GAPVD1: variants seen among roughly 807,000 people sequenced by gnomAD.
GAPVD1 encodes GTPase-activating protein and VPS9 domain-containing protein 1.
In GAPVD1, 35 loss-of-function variants were observed where a neutral mutation model predicts 155.5. That is an observed-to-expected ratio of 0.23 (90% confidence interval 0.17 to 0.30). GAPVD1 has a LOEUF of 0.30. Ranked by LOEUF, GAPVD1 falls within the 10% of genes least tolerant of loss-of-function variation. The pLI is 1.00. For synonymous variants in GAPVD1, 636 were observed against 619.7 expected, an observed-to-expected ratio of 1.03 and a Z score of -0.39; for missense variants, 1,429 against 1,775.7, an observed-to-expected ratio of 0.80 and a Z score of 3.51.
chr9:125,263,634 G>T, intron 1 of GAPVD1: 1 of 1,156,636 alleles, frequency 8.6e-7, no homozygotes, highest in Non-Finnish European at 1.3e-6. Flanking sequence ...ACTGGAATTT[G>T]GCTGCTGACC....
chr9:125,263,249 G>A (rs779076530), intron 1 of GAPVD1, among the ~76,000 whole-genome samples: 2 of 152,220 alleles, frequency 1.3e-5, no homozygotes, highest in Non-Finnish European at 2.9e-5. Context: ...AAGAGATCGA[G>A]ACCATCCTGG....
chr9:125,361,582 A>T (rs1191594136), intron 27 of GAPVD1, among the ~76,000 whole-genome samples: 1 of 151,412 alleles, frequency 6.6e-6, no homozygotes, highest in African/African-American at 2.4e-5. Context: ...TAATTATTGG[A>T]TGAATGGATG....
intron 20 of GAPVD1, among the ~76,000 whole-genome samples, chr9:125,347,762 T>C (rs767651110): frequency 3.6e-4 from 54 of 151,784 alleles, no homozygotes; most frequent in Non-Finnish European, 6.0e-4. Flanking sequence ...TGCATAAATA[T>C]GTGTTTATGC....
At chr9:125,320,620 T>G (rs1312263988) in intron 9 of GAPVD1, among the ~76,000 whole-genome samples, 1 of 152,216 alleles carries the variant, frequency 6.6e-6, no homozygotes, top group African/African-American at 2.4e-5. Context: ...ATTTTATTTA[T>G]TGATTTTTTA....
At chr9:125,338,793 T>A (rs1385817573) in intron 17 of GAPVD1, among the ~76,000 whole-genome samples, 4 of 152,202 alleles carry the variant, frequency 2.6e-5, no homozygotes, top group African/African-American at 9.7e-5. Flanking sequence ...AAAGTTACTC[T>A]TTTACCTTTA....
intron 2 of GAPVD1, among the ~76,000 whole-genome samples, chr9:125,274,089 C>G (rs1462728883): frequency 2.0e-5 from 3 of 151,958 alleles, no homozygotes; most frequent in Admixed American, 1.3e-4. Flanking sequence ...GCAATCTTGG[C>G]TCACTGCAAC....
At chr9:125,333,648 C>T (rs1846434610) in intron 15 of GAPVD1, among the ~76,000 whole-genome samples, 3 of 151,796 alleles carry the variant, frequency 2.0e-5, no homozygotes, top group African/African-American at 7.3e-5. Context: ...GCCACCACGC[C>T]CAGCTAATTT....
At chr9:125,285,604 C>T (rs1588647831) in intron 2 of GAPVD1, among the ~76,000 whole-genome samples, 1 of 151,370 alleles carries the variant, frequency 6.6e-6, no homozygotes, top group African/African-American at 2.4e-5. Context: ...GGATTACAGG[C>T]ATCCGCCACC....
Position 125,331,994 on chromosome 9 carries a change from T to C in GAPVD1, c.2242T>C (p.Ser748Pro). Residue 748 changes from serine to proline, a missense_variant, in exon 14 of 28, where the codon TCT becomes CCT. Coordinates refer to ENST00000297933, the MANE Select transcript of GAPVD1 (RefSeq NM_001282680.3). Reference sequence around the variant, plus strand: ...GAGCTGTTCTGGACTGGGTAGCACATCTGATGATACGGATGTCAGGGAGGT... The same window carrying C: ...GAGCTGTTCTGGACTGGGTAGCACACCTGATGATACGGATGTCAGGGAGGT... The part of the protein sequence containing the change: ...LESCSGLGST[S>P]DDTDVREVSS... 1 of 1,613,958 alleles carries C rather than the reference T, an allele frequency of 6.2e-7. No homozygotes were observed.
chr9:125,314,488 T>C, intron 9 of GAPVD1, among the ~76,000 whole-genome samples: 1 of 152,134 alleles, frequency 6.6e-6, no homozygotes, highest in South Asian at 2.1e-4. Flanking sequence ...AAACCCCATC[T>C]TTACTAAAAA....
intron 24 of GAPVD1, 121 bp from the exon 25 acceptor site, chr9:125,355,523 T>C: frequency 1.6e-6 from 1 of 633,226 alleles, no homozygotes; most frequent in South Asian, 2.3e-5. Flanking sequence ...TGAAACACTT[T>C]TGGCTTTAAG....
At chr9:125,303,109 C>T (rs1333475935) in intron 5 of GAPVD1, among the ~76,000 whole-genome samples, 9 of 152,092 alleles carry the variant, frequency 5.9e-5, no homozygotes, top group Non-Finnish European at 8.8e-5. Context: ...ACTGCAACCT[C>T]CGCCTCCCGG....
chr9:125,266,860 A>G lies in GAPVD1; in HGVS notation c.-198-2076A>G, dbSNP rs372324517. ...ACTGCAACTTCCCCCTCCTGGGTTC[A>G]AGAGATTCTCCTGCCTCAGCCTCCT... On this transcript the variant is annotated intron_variant, in intron 1 of 27. Transcript: ENST00000297933. 2.0e-4 allele frequency among the ~76,000 whole-genome samples: 31 copies of G among 152,048 alleles called. No individual in the cohort carries two copies. In the East Asian group the frequency reaches 4.5e-3, roughly 22 times the overall value.
Position 125,354,732 on chromosome 9 carries a change from A to G in GAPVD1, c.3648A>G (p.Leu1216=), listed in dbSNP as rs760283366. The G allele has an allele frequency of 2.0e-5, 32 of 1,613,412 alleles. No individual in the cohort carries two copies. Among genetic ancestry groups the G allele is most frequent in the Non-Finnish European group, 2.5e-5 (29 of 1,179,398 alleles). ...CCACACAGGCTCACCTGGAAAGGCT[A>G]TTGCAAAGAGTTTTGCGGGACAAAG... is the stretch of plus-strand genomic sequence containing the variant. ...LQTTQAHLER[L]LQRVLRDKEV... is the part of the protein sequence containing the mutation. Residue 1216 remains leucine (L), a synonymous_variant, in exon 24 of 28, where the codon CTA becomes CTG. Coordinates refer to ENST00000297933, the MANE Select transcript of GAPVD1 (RefSeq NM_001282680.3).
At chr9:125,341,657 G>A (rs1330820936) in intron 18 of GAPVD1, 2 of 164,338 alleles carry the variant, frequency 1.2e-5, no homozygotes, top group African/African-American at 2.4e-5. Flanking sequence ...AGCTTTTTAT[G>A]TCTATGTTCA....
chr9:125,280,884 T>C (rs1481701580), intron 2 of GAPVD1, among the ~76,000 whole-genome samples: 1 of 152,098 alleles, frequency 6.6e-6, no homozygotes, highest in Non-Finnish European at 1.5e-5. Flanking sequence ...CAACTGTTAC[T>C]ACTTCTAATA....
At position 125,350,744 on chromosome 9, in the gene GAPVD1, A is replaced by G; in HGVS notation, c.3441A>G (p.Gln1147=). 1 of 1,563,052 alleles carries G rather than the reference A, an allele frequency of 6.4e-7. No homozygotes were observed. Among genetic ancestry groups the G allele is most frequent in the East Asian group, 2.2e-5 (1 of 44,620 alleles). ...AAATTGTATGCTTCTTAAAAGTTCA[A>G]ATAGCTGAAGCAATTAATTTACAAG... The part of the protein sequence containing the change: ...DNEIVCFLKV[Q]IAEAINLQDK... Residue 1147 remains glutamine, a synonymous_variant, in exon 23 of 28, where the codon CAA becomes CAG. Transcript: ENST00000297933.
At chr9:125,354,246 G>C (rs940548598) in intron 23 of GAPVD1, among the ~76,000 whole-genome samples, 1 of 152,180 alleles carries the variant, frequency 6.6e-6, no homozygotes, top group Non-Finnish European at 1.5e-5. Flanking sequence ...GGGGATGTTT[G>C]TGACCTAGTG....
rs1423137839 is a variant in GAPVD1, at chr9:125,290,938, G to A, written c.-149-4520G>A. ...GCTGGGGAGGTCAAGGCTGCATTGA[G>A]CCGTGATCACATTACTACACTCCAG... is the stretch of plus-strand genomic sequence containing the variant. On this transcript the variant is annotated intron_variant, in intron 2 of 27. Coordinates refer to ENST00000297933, the MANE Select transcript of GAPVD1 (RefSeq NM_001282680.3). Among the ~76,000 whole-genome samples the A allele has an allele frequency of 2.0e-5, 3 of 149,520 alleles. No homozygotes were observed. In the East Asian group the frequency reaches 5.9e-4, roughly 29 times the overall value.
Sources: allele counts gnomAD v4.1 joint callset (sites outside exome capture counted in the v4.1 genomes callset), GRCh38; gene constraint gnomAD v4.1.1; transcripts MANE v1.5; gene names NCBI Gene and HGNC (gene_info 2026-07-23, HGNC 2026-07-21).